COMMD10: variants seen among roughly 807,000 people sequenced by gnomAD.
The protein encoded by COMMD10 is COMM domain containing 10.
Under a neutral mutation model 28.9 loss-of-function variants are expected in COMMD10, and 33 were observed. The observed-to-expected ratio is 1.14, with a 90% CI of 0.87 to 1.53. COMMD10 has a LOEUF of 1.53. COMMD10 is among the 40% of genes most tolerant of loss of function. COMMD10 has a pLI of 0.00. For missense variants in COMMD10, 310 were observed against 233.4 expected, an observed-to-expected ratio of 1.33 and a Z score of -2.14; for synonymous variants, 110 against 81.7, an observed-to-expected ratio of 1.35 and a Z score of -1.87.
chr5:116,234,003 A>G (rs572564252), intron 5 of COMMD10, among the ~76,000 whole-genome samples: 2 of 152,294 alleles, frequency 1.3e-5, no homozygotes, highest in East Asian at 3.9e-4. Flanking sequence ...GTAATAATCA[A>G]AAATAGGAAG....
chr5:116,198,250 G>A (rs1748580886), intron 5 of COMMD10, among the ~76,000 whole-genome samples: 1 of 152,110 alleles, frequency 6.6e-6, no homozygotes, highest in African/African-American at 2.4e-5. Flanking sequence ...TTAGCAGCCA[G>A]TCTCTTGACT....
At chr5:116,158,579 C>T (rs1049267097) in intron 5 of COMMD10, among the ~76,000 whole-genome samples, 1 of 148,806 alleles carries the variant, frequency 6.7e-6, no homozygotes, top group African/African-American at 2.5e-5. Flanking sequence ...TAGGTTCAAG[C>T]GATCCTCTGG....
chr5:116,155,053 A>G (rs1197114350), intron 5 of COMMD10, among the ~76,000 whole-genome samples: 2 of 152,096 alleles, frequency 1.3e-5, no homozygotes, highest in East Asian at 3.9e-4. Flanking sequence ...ATCTTTTAAC[A>G]TTGGTATCAT....
chr5:116,244,660 C>CAAAAA (rs60360733), intron 5 of COMMD10, among the ~76,000 whole-genome samples: 2 of 79,480 alleles, frequency 2.5e-5, no homozygotes, highest in Non-Finnish European at 6.0e-5. Flanking sequence ...AAAAAAATTA[C>CAAAAA]AAAAAAAAAA....
intron 5 of COMMD10, among the ~76,000 whole-genome samples, chr5:116,259,962 C>T (rs1471026748): frequency 6.6e-6 from 1 of 151,804 alleles, no homozygotes; most frequent in Non-Finnish European, 1.5e-5. Flanking sequence ...TGCCTTTAAA[C>T]TAATCACATC....
chr5:116,172,559 G>C (rs756491093), intron 5 of COMMD10, among the ~76,000 whole-genome samples: 8 of 152,054 alleles, frequency 5.3e-5, no homozygotes. Context: ...ATATTTAAGT[G>C]TTTTTTCTTC....
At chr5:116,213,709 A>C (rs1312123393) in intron 5 of COMMD10, among the ~76,000 whole-genome samples, 1 of 151,864 alleles carries the variant, frequency 6.6e-6, no homozygotes, top group African/African-American at 2.4e-5. Flanking sequence ...GATACCATAT[A>C]TTTTTTTATT....
intron 4 of COMMD10, among the ~76,000 whole-genome samples, chr5:116,108,466 C>G (rs1265292576): frequency 1.3e-5 from 2 of 152,118 alleles, no homozygotes; most frequent in African/African-American, 4.8e-5. Flanking sequence ...CCAGTTCGAA[C>G]TCTCTGGTGG....
intron 5 of COMMD10, among the ~76,000 whole-genome samples, chr5:116,265,850 T>C (rs1750569401): frequency 6.6e-6 from 1 of 151,774 alleles, no homozygotes; most frequent in African/African-American, 2.4e-5. Context: ...GAGATGACAC[T>C]CTTAACCACT....
At chr5:116,130,123 ACT>A (rs1423472567) in intron 4 of COMMD10, among the ~76,000 whole-genome samples, 2 of 151,760 alleles carry the variant, frequency 1.3e-5, no homozygotes, top group East Asian at 1.9e-4. Context: ...TTTAGTCATG[ACT>A]CTTTTAAAAA....
intron 5 of COMMD10, among the ~76,000 whole-genome samples, chr5:116,264,332 T>C (rs2112688995): frequency 6.6e-6 from 1 of 151,960 alleles, no homozygotes; most frequent in East Asian, 1.9e-4. Context: ...GTGTTTAATA[T>C]TTTAGTTTAT....
At chr5:116,110,204 G>A (rs183539088) in intron 4 of COMMD10, among the ~76,000 whole-genome samples, 18 of 152,186 alleles carry the variant, frequency 1.2e-4, no homozygotes, top group Admixed American at 9.8e-4. Flanking sequence ...ACCACTCTTA[G>A]ATCCCTTGAC....
intron 5 of COMMD10, among the ~76,000 whole-genome samples, chr5:116,147,191 G>C (rs536077946): frequency 5.3e-5 from 8 of 151,978 alleles, no homozygotes; most frequent in African/African-American, 1.9e-4. Flanking sequence ...TGTTCGGTTA[G>C]TGCACAAGGA....
intron 5 of COMMD10, among the ~76,000 whole-genome samples, chr5:116,286,188 A>ATGGCATC (rs1483043225): frequency 1.3e-5 from 2 of 151,502 alleles, no homozygotes; most frequent in Non-Finnish European, 2.9e-5. Context: ...TTTTATTTCT[A>ATGGCATC]TGGCATCTGT....
intron 4 of COMMD10, among the ~76,000 whole-genome samples, chr5:116,127,586 C>G (rs938476169): frequency 2.0e-5 from 3 of 152,170 alleles, no homozygotes; most frequent in Non-Finnish European, 4.4e-5. Context: ...CCATGGAATA[C>G]TATGCAGCCA....
At position 116,189,047 on chromosome 5, in the gene COMMD10, C is replaced by T. The variant is rs1168536135; in HGVS notation, c.510+54869C>T. ...ACAAGAATAAAAAATTTATTGATGGCTCATTGTATGTTAGGGTTTATTCTG... is the reference window on the plus strand; with the variant it reads ...ACAAGAATAAAAAATTTATTGATGGTTCATTGTATGTTAGGGTTTATTCTG... On this transcript the variant is annotated intron_variant, in intron 5 of 6. Coordinates refer to ENST00000274458, the MANE Select transcript of COMMD10 (RefSeq NM_016144.4). Among the ~76,000 whole-genome samples the T allele has an allele frequency of 2.6e-5, 4 of 152,170 alleles. 1 individual carries two copies. The highest frequency in any genetic ancestry group is 9.7e-5 in the African/African-American group (4 of 41,440).
chr5:116,199,182 G>A lies in COMMD10; in HGVS notation c.510+65004G>A, dbSNP rs542277737. 3.4e-4 allele frequency among the ~76,000 whole-genome samples: 52 copies of A among 152,080 alleles called. 1 individual carries two copies. In the Middle Eastern group the frequency reaches 0.01, roughly 30 times the overall value. On this transcript the variant is annotated intron_variant, in intron 5 of 6. Coordinates refer to ENST00000274458, the MANE Select transcript of COMMD10 (RefSeq NM_016144.4). Reference sequence around the variant, plus strand: ...AAGTGTGTAGTAGTTTCTCATTTTTGTTTTAATTTGGATTTCTCTACTGAC... The same window carrying A: ...AAGTGTGTAGTAGTTTCTCATTTTTATTTTAATTTGGATTTCTCTACTGAC...
intron 5 of COMMD10, among the ~76,000 whole-genome samples, chr5:116,209,009 C>T (rs1365479109): frequency 3.3e-5 from 5 of 152,022 alleles, no homozygotes; most frequent in Non-Finnish European, 7.4e-5. Context: ...TTGCCAGATT[C>T]TGTCTCTCTT....
intron 5 of COMMD10, among the ~76,000 whole-genome samples, chr5:116,176,137 A>G (rs1753502201): frequency 2.0e-5 from 3 of 152,114 alleles, no homozygotes; most frequent in Admixed American, 1.3e-4. Flanking sequence ...TTGTTGAGAT[A>G]GATTGTCTTT....
Sources: allele counts gnomAD v4.1 joint callset (sites outside exome capture counted in the v4.1 genomes callset), GRCh38; gene constraint gnomAD v4.1.1; transcripts MANE v1.5; gene names NCBI Gene and HGNC (gene_info 2026-07-23, HGNC 2026-07-21).